Variants in MYLK4 observed in about 807,000 individuals in gnomAD.
The protein encoded by MYLK4 is myosin light chain kinase family member 4.
Under a neutral mutation model 48.1 loss-of-function variants are expected in MYLK4, and 46 were observed. The ratio of observed to expected loss-of-function variants is 0.96; its 90% CI spans 0.75 to 1.22. The LOEUF (loss-of-function observed/expected upper bound fraction) is 1.22, where lower values mean the gene tolerates loss of function less well. Among genes scored for constraint, MYLK4 ranks in the 50% most tolerant of loss-of-function variants. The pLI is 0.00. For synonymous variants in MYLK4, 170 were observed against 180.8 expected (o/e 0.94, Z 0.48); for missense variants, 451 against 486.1 (o/e 0.93, Z 0.68).
intron 2 of MYLK4, among the ~76,000 whole-genome samples, chr6:2,742,989 A>G (rs1295996634): frequency 6.6e-6 from 1 of 152,320 alleles, no homozygotes; most frequent in East Asian, 1.9e-4. Context: ...CAAAGGAATG[A>G]AAATTGGTTC....
rs112851741 is a variant in MYLK4, at chr6:2,670,810, A to T, written c.*25+466T>A. 7.6e-3 allele frequency among the ~76,000 whole-genome samples: 1,155 copies of T among 152,194 alleles called. 11 individuals are homozygous for T. The highest frequency in any genetic ancestry group is 0.025 in the African/African-American group (1,054 of 41,514). On this transcript the variant is annotated intron_variant, in intron 12 of 12. Transcript: ENST00000274643. ...AGCTTCAGAAACACCCGAGGGAACC[A>T]CACTCCACCCTTTACAAGCTGCATG...
chr6:2,768,665 A>C, the MYLK4 span: 29,839 of 1,562,204 alleles, frequency 0.019, 552 homozygotes, highest in South Asian at 0.071. Flanking sequence ...CAGCTTTTCA[A>C]ACTCCATGTA....
intron 2 of MYLK4, among the ~76,000 whole-genome samples, chr6:2,724,245 C>T (rs1239907635): frequency 2.0e-5 from 3 of 152,190 alleles, no homozygotes; most frequent in Non-Finnish European, 4.4e-5. Flanking sequence ...ATGGGCGATA[C>T]ACATAGAGGA....
In MYLK4 at chr6:2,741,461, A is replaced by C. The variant is rs190689362; in HGVS notation, c.159+7675T>G. ...ACTCTAAGAAGCTGAAACAACATACACATAAGTTGACTCATCTGTGCATTT... is the reference window on the plus strand; with the variant it reads ...ACTCTAAGAAGCTGAAACAACATACCCATAAGTTGACTCATCTGTGCATTT... On this transcript the variant is annotated intron_variant, in intron 2 of 12. Transcript: ENST00000274643. Among the ~76,000 whole-genome samples, 553 of 152,342 alleles carry C rather than the reference A, an allele frequency of 3.6e-3. 5 individuals are homozygous for C. The highest frequency in any genetic ancestry group is 0.013 in the African/African-American group (532 of 41,570).
the MYLK4 span, among the ~76,000 whole-genome samples, chr6:2,766,643 C>G: frequency 6.6e-6 from 1 of 152,140 alleles, no homozygotes; most frequent in Non-Finnish European, 1.5e-5. Context: ...CACACACCCC[C>G]AGATTGGTAA....
intron 3 of MYLK4, among the ~76,000 whole-genome samples, chr6:2,690,610 C>T (rs953898371): frequency 6.6e-6 from 1 of 152,022 alleles, no homozygotes; most frequent in Non-Finnish European, 1.5e-5. Context: ...TGGAGCAGCA[C>T]GCTCCCCATC....
At chr6:2,767,291 T>C in the MYLK4 span, among the ~76,000 whole-genome samples, 1 of 152,202 alleles carries the variant, frequency 6.6e-6, no homozygotes, top group African/African-American at 2.4e-5. Context: ...ACAGGATGCT[T>C]TTATCCATAA....
chr6:2,718,480 C>G (rs1056828078), intron 2 of MYLK4, among the ~76,000 whole-genome samples: 1 of 152,148 alleles, frequency 6.6e-6, no homozygotes, highest in Non-Finnish European at 1.5e-5. Flanking sequence ...AAAAACCTTT[C>G]AAGGAAAACT....
chr6:2,730,712 AG>A (rs1763448723), intron 2 of MYLK4, among the ~76,000 whole-genome samples: 1 of 151,344 alleles, frequency 6.6e-6, no homozygotes, highest in South Asian at 2.1e-4. Flanking sequence ...TATTTGCAAA[AG>A]GAAAAAAAAT....
At chr6:2,743,888 T>C in intron 2 of MYLK4, 1 of 398,556 alleles carries the variant, frequency 2.5e-6, no homozygotes. Flanking sequence ...TAAAGGTGAT[T>C]TTACTACCTG....
At chr6:2,742,241 C>A (rs1460546375) in intron 2 of MYLK4, among the ~76,000 whole-genome samples, 1 of 152,166 alleles carries the variant, frequency 6.6e-6, no homozygotes, top group Admixed American at 6.5e-5. Flanking sequence ...CCGGGAAAGG[C>A]GCAGGCCATG....
intron 12 of MYLK4, 101 bp from the exon 13 acceptor site, chr6:2,668,000 T>TA: frequency 6.6e-6 from 1 of 151,656 alleles, no homozygotes; most frequent in Non-Finnish European, 1.5e-5. Flanking sequence ...TGATTTTTTT[T>TA]AATAACATAT....
upstream of MYLK4, among the ~76,000 whole-genome samples, chr6:2,752,050 G>A (rs1286071583): frequency 6.6e-6 from 1 of 152,162 alleles, no homozygotes; most frequent in Admixed American, 6.5e-5. Context: ...CCAGAGGCAA[G>A]ATGTGTGTGG....
chr6:2,700,372 C>T (rs895929855), intron 2 of MYLK4, among the ~76,000 whole-genome samples: 12 of 152,258 alleles, frequency 7.9e-5, no homozygotes, highest in South Asian at 4.1e-4. Context: ...TTTAACCCAC[C>T]CACACCCCAG....
At chr6:2,735,804 G>A (rs182124791) in intron 2 of MYLK4, among the ~76,000 whole-genome samples, 146 of 152,314 alleles carry the variant, frequency 9.6e-4, no homozygotes, top group Admixed American at 1.2e-3. Flanking sequence ...GCATAGAAGA[G>A]GAGAGAGAAT....
At chr6:2,757,522 A>C in the MYLK4 span, among the ~76,000 whole-genome samples, 1 of 152,188 alleles carries the variant, frequency 6.6e-6, no homozygotes, top group Non-Finnish European at 1.5e-5. Flanking sequence ...ATTATCTCTG[A>C]AGATATCATC....
At chr6:2,722,129 C>G (rs7772452) in intron 2 of MYLK4, among the ~76,000 whole-genome samples, 15,835 of 152,214 alleles carry the variant, frequency 0.1, 860 homozygotes, top group African/African-American at 0.12. Context: ...CAGACTTAGA[C>G]GGCAACTACT....
chr6:2,756,808 C>T, the MYLK4 span, among the ~76,000 whole-genome samples: 6 of 152,314 alleles, frequency 3.9e-5, no homozygotes, highest in Admixed American at 3.9e-4. Context: ...TAAGGATATT[C>T]ATTTCCAATA....
chr6:2,717,101 G>C (rs1387339352), intron 2 of MYLK4, among the ~76,000 whole-genome samples: 1 of 152,196 alleles, frequency 6.6e-6, no homozygotes, highest in Non-Finnish European at 1.5e-5. Context: ...TGGTATGACT[G>C]CCTGGTTAGC....
Sources: gnomAD v4.1 joint callset for allele counts (sites outside exome capture counted in the v4.1 genomes callset) on GRCh38, gnomAD v4.1.1 for gene constraint, MANE v1.5 for transcripts, NCBI Gene and HGNC (gene_info 2026-07-23, HGNC 2026-07-21) for gene names.